LHFPL4: variants seen among roughly 807,000 people sequenced by gnomAD.
LHFPL4 encodes the protein LHFPL tetraspan subfamily member 4 protein.
LHFPL4 carries 6 observed loss-of-function variants against 20.0 expected under a neutral mutation model. The observed-to-expected ratio is 0.30, with a 90% CI of 0.16 to 0.59. The LOEUF is 0.59. Ranked by LOEUF, LHFPL4 falls within the 20% of genes least tolerant of loss-of-function variation. The probability of loss-of-function intolerance (pLI) is 0.88; values close to 1 mark genes in which losing one functional copy is unlikely to be tolerated. For synonymous variants in LHFPL4, 129 were observed against 143.8 expected, an observed-to-expected ratio of 0.90 and a Z score of 0.74; for missense variants, 215 against 331.2, an observed-to-expected ratio of 0.65 and a Z score of 2.72.
chr3:9,553,793 T>A lies in LHFPL4; in HGVS notation c.-277A>T, dbSNP rs2046574466. On this transcript the variant is annotated 5_prime_UTR_variant, in exon 1 of 4. Transcript: ENST00000287585. Reference sequence around the variant, plus strand: ...CCCAGGCGGCGGCCTCTGCGCGGCCTCCATCTTGCTCGGGTTCTCCCCGGG... The same window carrying A: ...CCCAGGCGGCGGCCTCTGCGCGGCCACCATCTTGCTCGGGTTCTCCCCGGG... The A allele has an allele frequency of 6.6e-6, 1 of 150,552 alleles. No homozygotes were observed. Among genetic ancestry groups the A allele is most frequent in the South Asian group, 2.1e-4 (1 of 4,836 alleles). The allele number at this position is 150,552 out of a possible 1,614,324, so 9.3% of individuals were successfully genotyped here.
At chr3:9,548,937 C>T (rs182436970) in intron 2 of LHFPL4, among the ~76,000 whole-genome samples, 1 of 152,290 alleles carries the variant, frequency 6.6e-6, no homozygotes, top group Admixed American at 6.5e-5. Context: ...TTATTTGTCA[C>T]CTTGAAGACA....
chr3:9,509,146 T>C (rs1165842029), intron 2 of LHFPL4, among the ~76,000 whole-genome samples: 1 of 152,218 alleles, frequency 6.6e-6, no homozygotes, highest in African/African-American at 2.4e-5. Flanking sequence ...TTCTTCCTTT[T>C]GCTTTCCGCC....
intron 2 of LHFPL4, among the ~76,000 whole-genome samples, chr3:9,527,785 G>A (rs1207397159): frequency 6.8e-6 from 1 of 147,632 alleles, no homozygotes; most frequent in Non-Finnish European, 1.5e-5. Context: ...ACCAATAATT[G>A]TACAAATTAA....
chr3:9,522,420 G>C (rs539876400), intron 2 of LHFPL4, among the ~76,000 whole-genome samples: 1 of 151,912 alleles, frequency 6.6e-6, no homozygotes, highest in Non-Finnish European at 1.5e-5. Flanking sequence ...TAAACAAACT[G>C]TTATCTGTTA....
At chr3:9,529,113 C>T (rs981117375) in intron 2 of LHFPL4, among the ~76,000 whole-genome samples, 2 of 151,938 alleles carry the variant, frequency 1.3e-5, no homozygotes, top group South Asian at 2.1e-4. Flanking sequence ...ACTACAACCT[C>T]TGCCTCCCAG....
chr3:9,531,923 C>G (rs2046411747), intron 2 of LHFPL4, among the ~76,000 whole-genome samples: 2 of 152,168 alleles, frequency 1.3e-5, no homozygotes, highest in African/African-American at 4.8e-5. Flanking sequence ...AATAAGAGAA[C>G]ATATACTTTA....
chr3:9,535,726 T>G (rs1183776405), intron 2 of LHFPL4, among the ~76,000 whole-genome samples: 1 of 151,920 alleles, frequency 6.6e-6, no homozygotes. Flanking sequence ...CTGAGGGGAG[T>G]CCAGTGAATG....
chr3:9,534,413 T>C (rs1329414699), intron 2 of LHFPL4, among the ~76,000 whole-genome samples: 3 of 152,160 alleles, frequency 2.0e-5, no homozygotes, highest in Non-Finnish European at 4.4e-5. Flanking sequence ...GATACCCTGC[T>C]AAGTGAAAGG....
At chr3:9,545,499 G>C (rs1019808442) in intron 2 of LHFPL4, among the ~76,000 whole-genome samples, 3 of 152,134 alleles carry the variant, frequency 2.0e-5, no homozygotes, top group Non-Finnish European at 4.4e-5. Context: ...AACATAGTGA[G>C]ACCCTGTCTC....
intron 2 of LHFPL4, among the ~76,000 whole-genome samples, chr3:9,526,183 TCA>T (rs1482346589): frequency 6.6e-6 from 1 of 152,090 alleles, no homozygotes; most frequent in East Asian, 1.9e-4. Context: ...GTAATCAAAT[TCA>T]CAGAGACAGA....
intron 2 of LHFPL4, among the ~76,000 whole-genome samples, chr3:9,528,433 C>T (rs28479372): frequency 0.34 from 51,530 of 151,910 alleles, 9,092 homozygotes; most frequent in Non-Finnish European, 0.37. Flanking sequence ...CAATTCAGTC[C>T]CATCTTCAGG....
intron 2 of LHFPL4, among the ~76,000 whole-genome samples, chr3:9,517,441 T>C (rs1201793456): frequency 6.6e-6 from 1 of 152,154 alleles, no homozygotes; most frequent in Non-Finnish European, 1.5e-5. Flanking sequence ...ATTAGATTTA[T>C]ACCTAAATAT....
Position 9,548,720 on chromosome 3 carries a change from T to C in LHFPL4, c.406+3554A>G, listed in dbSNP as rs373927904. Among the ~76,000 whole-genome samples, 136 of 152,324 alleles carry C rather than the reference T, an allele frequency of 8.9e-4. 1 individual carries two copies. The highest frequency in any genetic ancestry group is 8.9e-3 in the South Asian group (43 of 4,826). On this transcript the variant is annotated intron_variant, in intron 2 of 3. Coordinates refer to ENST00000287585, the MANE Select transcript of LHFPL4 (RefSeq NM_198560.3). ...CACACTTGATTTATCTTTGAGGGAA[T>C]TGGCCTTTCTCCACTATCAGTCCAT...
At position 9,507,883 on chromosome 3, in the gene LHFPL4, C is replaced by T. The variant is rs113526772; in HGVS notation, c.407-1680G>A. On this transcript the variant is annotated intron_variant, in intron 2 of 3. Transcript: ENST00000287585. ...GCCACTGTAGAGATGGGGTCTTCCC[C>T]TCCACCAGCTCTGCATCACCGGCTT... Among the ~76,000 whole-genome samples, 423 of 152,372 alleles carry T rather than the reference C, an allele frequency of 2.8e-3. 4 individuals carry two copies. The highest frequency in any genetic ancestry group is 7.3e-3 in the Admixed American group (112 of 15,306).
chr3:9,509,554 A>G (rs1021682593), intron 2 of LHFPL4, among the ~76,000 whole-genome samples: 1 of 152,118 alleles, frequency 6.6e-6, no homozygotes, highest in Non-Finnish European at 1.5e-5. Context: ...GAATACAGCC[A>G]ACAAGTCAAC....
chr3:9,514,465 G>T (rs1286550671), intron 2 of LHFPL4, among the ~76,000 whole-genome samples: 1 of 151,972 alleles, frequency 6.6e-6, no homozygotes, highest in Non-Finnish European at 1.5e-5. Context: ...CCCCCACCAG[G>T]GTGGCATATT....
chr3:9,532,185 C>A (rs761842431), intron 2 of LHFPL4, among the ~76,000 whole-genome samples: 66 of 151,984 alleles, frequency 4.3e-4, no homozygotes, highest in Non-Finnish European at 7.5e-4. Flanking sequence ...ACCACTACAC[C>A]CAGCTAATTT....
In LHFPL4 at chr3:9,553,700, G is replaced by A. The variant is rs1270335498; in HGVS notation, c.-184C>T. 6.6e-6 allele frequency: 1 copy of A among 151,046 alleles called. No homozygotes were observed. Among genetic ancestry groups the A allele is most frequent in the Admixed American group, 6.6e-5 (1 of 15,152 alleles). The allele number at this position is 151,046 out of a possible 1,614,324, so 9.4% of individuals were successfully genotyped here. A position where few individuals can be genotyped will look rare whatever the true frequency, so the allele number is the denominator to read the frequency against. On this transcript the variant is annotated 5_prime_UTR_variant, in exon 1 of 4. Coordinates refer to ENST00000287585, the MANE Select transcript of LHFPL4 (RefSeq NM_198560.3). ...GGAGACCAACCTGGGCACGGCCGGA[G>A]GCAGCGGATCCGGGACTGGCACGGC... is the stretch of plus-strand genomic sequence containing the variant.
intron 2 of LHFPL4, among the ~76,000 whole-genome samples, chr3:9,508,266 C>G (rs2046232864): frequency 6.6e-6 from 1 of 152,172 alleles, no homozygotes; most frequent in African/African-American, 2.4e-5. Context: ...CTCCTCCTCT[C>G]CCCAACACGT....
Sources: allele counts gnomAD v4.1 joint callset (sites outside exome capture counted in the v4.1 genomes callset), GRCh38; gene constraint gnomAD v4.1.1; transcripts MANE v1.5; gene names NCBI Gene and HGNC (gene_info 2026-07-23, HGNC 2026-07-21).